DCLK1: variants seen among roughly 807,000 people sequenced by gnomAD.
The protein encoded by DCLK1 is doublecortin like kinase 1, also known as serine/threonine-protein kinase DCLK1.
Under a neutral mutation model 86.2 loss-of-function variants are expected in DCLK1, and 16 were observed. That is an observed-to-expected ratio of 0.19 (90% confidence interval 0.13 to 0.28). The LOEUF (loss-of-function observed/expected upper bound fraction) is 0.28. Ranked by LOEUF, DCLK1 falls within the 10% of genes least tolerant of loss-of-function variation. The pLI is 1.00. For synonymous variants in DCLK1, 369 were observed against 370.5 expected (o/e 1.00, Z 0.05); for missense variants, 590 against 940.2 (o/e 0.63, Z 4.87).
At chr13:35,826,891 A>G (rs141352895) in intron 10 of DCLK1, among the ~76,000 whole-genome samples, 2 of 152,290 alleles carry the variant, frequency 1.3e-5, no homozygotes, top group African/African-American at 4.8e-5. Flanking sequence ...ACTAAGGTAG[A>G]CATTACTTAC....
intron 1 of DCLK1, 83 bp from the exon 2 acceptor site, chr13:36,126,239 T>A (rs1001781935): frequency 8.5e-7 from 1 of 1,173,898 alleles, no homozygotes; most frequent in African/African-American, 1.6e-5. Context: ...TTGTTTTTTT[T>A]ATGTTAGGGA....
In DCLK1 at chr13:35,854,594, C is replaced by A; in HGVS notation, c.941-1G>T. The A allele has an allele frequency of 1.3e-6, 2 of 1,585,230 alleles. No individual in the cohort carries two copies. Among genetic ancestry groups the A allele is most frequent in the South Asian group, 1.2e-5 (1 of 86,772 alleles). On this transcript the variant is annotated splice_acceptor_variant, in intron 5 of 16. Coordinates refer to ENST00000360631, the MANE Select transcript of DCLK1 (RefSeq NM_001330071.2). LOFTEE classifies it high-confidence loss of function. ...AGCTGACTACCAGGGGTTCCATTAA[C>A]TAGAAATACAAAGAATCACACACAG... is the stretch of plus-strand genomic sequence containing the variant.
intron 3 of DCLK1, among the ~76,000 whole-genome samples, chr13:36,028,731 T>A (rs778983895): frequency 2.0e-5 from 3 of 152,186 alleles, no homozygotes; most frequent in Non-Finnish European, 2.9e-5. Flanking sequence ...TAAAACAGAC[T>A]GTGATGAAGA....
At chr13:36,002,867 A>C (rs1341960995) in intron 3 of DCLK1, among the ~76,000 whole-genome samples, 1 of 152,250 alleles carries the variant, frequency 6.6e-6, no homozygotes, top group Non-Finnish European at 1.5e-5. Context: ...TTAGGAAATC[A>C]TAAAAGGCAC....
chr13:35,885,764 A>G (rs900634926), intron 4 of DCLK1, among the ~76,000 whole-genome samples: 1 of 152,204 alleles, frequency 6.6e-6, no homozygotes, highest in Non-Finnish European at 1.5e-5. Context: ...TTTGTCATCT[A>G]AAAATGAAAA....
rs780605525 is a variant in DCLK1 at position 36,125,788 on chromosome 13, ATCT to A, written c.347_349del (p.Lys116del). 4.3e-6 allele frequency: 7 copies of A among 1,613,972 alleles called. No individual in the cohort carries two copies. Among genetic ancestry groups the A allele is most frequent in the Non-Finnish European group, 4.2e-6 (5 of 1,179,848 alleles). ...TTCCACCAGTTGGTCCAGGCTGGAA[ATCT>A]TCTTGAGCCCATCAATGGTGTAGAT... On this transcript the variant is annotated inframe_deletion, in exon 2 of 17. Transcript: ENST00000360631.
chr13:35,875,712 G>T (rs1005368266), intron 4 of DCLK1, among the ~76,000 whole-genome samples: 1 of 152,016 alleles, frequency 6.6e-6, no homozygotes, highest in Non-Finnish European at 1.5e-5. Flanking sequence ...TTATTAGTCC[G>T]TCTCCCCACT....
chr13:35,779,978 C>T (rs75523052), intron 16 of DCLK1, among the ~76,000 whole-genome samples: 7 of 141,566 alleles, frequency 4.9e-5, no homozygotes, highest in East Asian at 4.8e-4. Context: ...ATTTCTTCCC[C>T]GCCCCTGAAA....
intron 4 of DCLK1, among the ~76,000 whole-genome samples, chr13:35,921,929 G>A (rs752073466): frequency 7.9e-5 from 12 of 152,160 alleles, no homozygotes; most frequent in Non-Finnish European, 1.6e-4. Flanking sequence ...TAGAAACTGA[G>A]TTTTGGAATT....
At chr13:36,128,257 A>G (rs555489780) in intron 1 of DCLK1, among the ~76,000 whole-genome samples, 6 of 152,314 alleles carry the variant, frequency 3.9e-5, no homozygotes, top group African/African-American at 1.4e-4. Flanking sequence ...TATGCTAAAA[A>G]TTCTCTTCTA....
At chr13:36,035,766 C>T (rs1055836988) in intron 3 of DCLK1, among the ~76,000 whole-genome samples, 4 of 152,012 alleles carry the variant, frequency 2.6e-5, no homozygotes, top group African/African-American at 7.2e-5. Flanking sequence ...GGCAAAAGTA[C>T]GTACATACTT....
At chr13:35,849,870 A>T (rs1870485011) in intron 6 of DCLK1, 1 of 973,240 alleles carries the variant, frequency 1.0e-6, no homozygotes, top group Admixed American at 6.2e-5. Flanking sequence ...TGTATGGAAA[A>T]AAAAAAAATT....
chr13:35,961,357 G>C (rs9565715), intron 3 of DCLK1, among the ~76,000 whole-genome samples: 45,272 of 152,096 alleles, frequency 0.3, 7,724 homozygotes, highest in East Asian at 0.57. Context: ...TACCATGGAA[G>C]AGAGAGCAAA....
In DCLK1 at chr13:36,105,618, A is replaced by G. The variant is rs531301689; in HGVS notation, c.723+6251T>C. Among the ~76,000 whole-genome samples, 3 of 152,308 alleles carry G rather than the reference A, an allele frequency of 2.0e-5. No homozygotes were observed. The East Asian group carries it at 5.8e-4, about 29-fold the overall frequency. On this transcript the variant is annotated intron_variant, in intron 3 of 16. Transcript: ENST00000360631. ...TGTTTTTCCTCTCTGTCATGTTATC[A>G]TGTATATCTATGCTTAATTTATAGC...
chr13:35,791,747 G>GA (rs373145720), intron 16 of DCLK1, among the ~76,000 whole-genome samples: 12 of 150,572 alleles, frequency 8.0e-5, no homozygotes, highest in South Asian at 2.1e-4. Flanking sequence ...AAAAGACCAG[G>GA]AAAAAAAAAG....
At chr13:35,958,210 C>CCACCACCACCACCACTATAACCACCAT (rs1566620863) in intron 3 of DCLK1, among the ~76,000 whole-genome samples, 1 of 134,924 alleles carries the variant, frequency 7.4e-6, no homozygotes, top group African/African-American at 2.9e-5. Context: ...ACCATTATAA[C>CCACCACCACCACCACTATAACCACCAT]CATCACCACC....
At chr13:36,114,510 TAG>T (rs1231626524) in intron 2 of DCLK1, among the ~76,000 whole-genome samples, 9 of 152,248 alleles carry the variant, frequency 5.9e-5, no homozygotes, top group African/African-American at 1.9e-4. Context: ...CACAGTCATT[TAG>T]AGTCTGTGAC....
At chr13:36,037,928 G>A (rs1882567424) in intron 3 of DCLK1, among the ~76,000 whole-genome samples, 1 of 152,042 alleles carries the variant, frequency 6.6e-6, no homozygotes, top group Admixed American at 6.5e-5. Flanking sequence ...AGGTTCCATG[G>A]GTATGGCTTA....
chr13:36,022,490 C>G (rs1171805631), intron 3 of DCLK1, among the ~76,000 whole-genome samples: 1 of 150,886 alleles, frequency 6.6e-6, no homozygotes, highest in African/African-American at 2.4e-5. Flanking sequence ...TTAAAAACAT[C>G]AACAAAATTA....
Sources: allele counts gnomAD v4.1 joint callset (sites outside exome capture counted in the v4.1 genomes callset), GRCh38; gene constraint gnomAD v4.1.1; transcripts MANE v1.5; gene names NCBI Gene and HGNC (gene_info 2026-07-23, HGNC 2026-07-21).